Variants in ELMO1 observed in about 807,000 individuals in gnomAD.
ELMO1 encodes engulfment and cell motility protein 1.
ELMO1 carries 26 observed loss-of-function variants against 98.9 expected under a neutral mutation model. The observed-to-expected ratio is 0.26, with a 90% CI of 0.19 to 0.36. The LOEUF is 0.36. ELMO1 is among the 10% of genes least tolerant of loss of function. The pLI is 1.00. For synonymous variants in ELMO1, 346 were observed against 346.0 expected, an observed-to-expected ratio of 1.00 and a Z score of 0.00; for missense variants, 627 against 935.2, an observed-to-expected ratio of 0.67 and a Z score of 4.30.
chr7:37,064,953 C>A (rs1461057851), intron 15 of ELMO1, among the ~76,000 whole-genome samples: 4 of 152,166 alleles, frequency 2.6e-5, no homozygotes, highest in Admixed American at 2.0e-4. Flanking sequence ...ATAGCCAATT[C>A]TGAGCTGCCC....
At chr7:37,383,043 A>C (rs1195952052) in intron 1 of ELMO1, among the ~76,000 whole-genome samples, 1 of 152,254 alleles carries the variant, frequency 6.6e-6, no homozygotes, top group Non-Finnish European at 1.5e-5. Context: ...AAAGAACAAG[A>C]ACATTCTTTT....
intron 15 of ELMO1, among the ~76,000 whole-genome samples, chr7:37,089,731 G>T (rs928350563): frequency 1.3e-5 from 2 of 152,188 alleles, no homozygotes; most frequent in South Asian, 4.1e-4. Flanking sequence ...ATTTGTTATG[G>T]TTTTCTGCAT....
rs145642104 is a variant in ELMO1 at position 37,015,149 on chromosome 7, C to T, written c.1301-1714G>A. 2.9e-3 allele frequency among the ~76,000 whole-genome samples: 434 copies of T among 152,114 alleles called. 2 individuals carry two copies. Among genetic ancestry groups the T allele is most frequent in the East Asian group, 4.5e-3 (23 of 5,168 alleles). On this transcript the variant is annotated intron_variant, in intron 15 of 21. Coordinates refer to ENST00000310758, the MANE Select transcript of ELMO1 (RefSeq NM_014800.11). The stretch of plus-strand genomic sequence containing the variant: ...TTGAAGATATGGTAATGCTGTTTTC[C>T]TCCAGATAAAGTAAGGGCATGGGCC...
chr7:36,940,584 G>T lies in ELMO1; in HGVS notation c.1438-45567C>A, dbSNP rs150828946. 2.8e-3 allele frequency among the ~76,000 whole-genome samples: 429 copies of T among 152,312 alleles called. 4 individuals carry two copies. The highest frequency in any genetic ancestry group is 9.7e-3 in the African/African-American group (403 of 41,562). On this transcript the variant is annotated intron_variant, in intron 16 of 21. Coordinates refer to ENST00000310758, the MANE Select transcript of ELMO1 (RefSeq NM_014800.11). ...AAAGCCTCAGTTTCTTTTTGGAGGG[G>T]ACATGTATCTACTTCAGAGTTCTGT...
intron 15 of ELMO1, among the ~76,000 whole-genome samples, chr7:37,049,210 C>T (rs1024216157): frequency 2.6e-5 from 4 of 152,096 alleles, no homozygotes; most frequent in Admixed American, 6.5e-5. Flanking sequence ...GGCACTGAGT[C>T]GGGTGTGGGG....
chr7:37,069,168 G>A (rs1486818249), intron 15 of ELMO1, among the ~76,000 whole-genome samples: 1 of 151,764 alleles, frequency 6.6e-6, no homozygotes, highest in East Asian at 1.9e-4. Flanking sequence ...CCAATAAATG[G>A]TTACCATTTA....
At chr7:37,123,615 T>C (rs1786262894) in intron 14 of ELMO1, among the ~76,000 whole-genome samples, 1 of 152,088 alleles carries the variant, frequency 6.6e-6, no homozygotes, top group South Asian at 2.1e-4. Flanking sequence ...AATAGACCAA[T>C]AACAGGCTCT....
Position 37,224,970 on chromosome 7 carries a change from T to C in ELMO1, c.610A>G (p.Ile204Val). 1 of 1,614,112 alleles carries C rather than the reference T, an allele frequency of 6.2e-7. No individual in the cohort carries two copies. The highest frequency in any genetic ancestry group is 2.2e-5 in the East Asian group (1 of 44,860). ...CTATTGAGCACCATCGACTCCAAAA[T>C]GGCCAAGGACCGCTGCAGGATCGAG... ...DISILQRSLA[I>V]LESMVLNSHD... The change falls in exon 9 of 22, where the codon ATT (isoleucine) becomes GTT (valine). Residue 204 changes from isoleucine to valine, a missense_variant. By Grantham distance (29) the Ile-to-Val change is conservative (BLOSUM62 3). Around this residue, in one of 3 missense-constraint regions of ELMO1, gnomAD observed 492 missense variants for 715.6 expected, o/e 0.69. Transcript: ENST00000310758.
intron 1 of ELMO1, among the ~76,000 whole-genome samples, chr7:37,358,590 G>A (rs1583621185): frequency 6.6e-6 from 1 of 152,294 alleles, no homozygotes; most frequent in Non-Finnish European, 1.5e-5. Context: ...TGAATTTGAT[G>A]AGAAAGGTCA....
chr7:36,909,784 T>C (rs1225532376), intron 16 of ELMO1, among the ~76,000 whole-genome samples: 1 of 152,242 alleles, frequency 6.6e-6, no homozygotes, highest in Non-Finnish European at 1.5e-5. Context: ...AGTCTTTTTC[T>C]TCAAGGATTT....
chr7:37,014,333 A>AC (rs59889700), intron 15 of ELMO1, among the ~76,000 whole-genome samples: 1,654 of 152,078 alleles, frequency 0.011, 18 homozygotes, highest in African/African-American at 0.03. Context: ...AAGGTTTGTG[A>AC]CCCCCAGAAC....
rs553545751 is a variant in ELMO1 at position 37,080,395 on chromosome 7, G to A, written c.1300+16224C>T. Among the ~76,000 whole-genome samples the A allele has an allele frequency of 2.2e-4, 34 of 151,728 alleles. No individual in the cohort carries two copies. In the South Asian group the frequency reaches 6.9e-3, roughly 31 times the overall value. The stretch of plus-strand genomic sequence containing the variant: ...AGAGTAAAAGCCAAATTGGTTACAA[G>A]GGCCTACAAGCACCTGAAGAATCTC... On this transcript the variant is annotated intron_variant, in intron 15 of 21. Transcript: ENST00000310758.
chr7:37,355,196 C>T (rs764351652), intron 1 of ELMO1, among the ~76,000 whole-genome samples: 2 of 152,224 alleles, frequency 1.3e-5, no homozygotes, highest in Non-Finnish European at 2.9e-5. Context: ...ATTGAAAACG[C>T]TGTGACTCTG....
chr7:37,273,918 A>G (rs1338495326), intron 4 of ELMO1, among the ~76,000 whole-genome samples: 1 of 152,248 alleles, frequency 6.6e-6, no homozygotes, highest in Non-Finnish European at 1.5e-5. Flanking sequence ...AGAACCACCC[A>G]AAAAGGGGCA....
Position 37,381,957 on chromosome 7 carries a change from G to GA in ELMO1, c.-73-39195dup, listed in dbSNP as rs201447261. On this transcript the variant is annotated intron_variant, in intron 1 of 21. Transcript: ENST00000310758. ...ACTCCTAAGGAGCCAAAAAGAAAAA[G>GA]AAAAAAAATTATATAGTAGTTTTCT... Among the ~76,000 whole-genome samples, 66 of 151,806 alleles carry GA rather than the reference G, an allele frequency of 4.3e-4. 1 individual carries two copies. In the East Asian group the frequency reaches 0.01, roughly 24 times the overall value.
chr7:37,072,369 G>A (rs1234413884), intron 15 of ELMO1, among the ~76,000 whole-genome samples: 1 of 152,102 alleles, frequency 6.6e-6, no homozygotes, highest in African/African-American at 2.4e-5. Context: ...TTTAAAAATG[G>A]GAGTTCCCTG....
At chr7:37,109,221 C>T (rs1417902629) in intron 14 of ELMO1, among the ~76,000 whole-genome samples, 1 of 152,222 alleles carries the variant, frequency 6.6e-6, no homozygotes, top group Admixed American at 6.5e-5. Context: ...AGAAGCAAAT[C>T]TCCCTGGGCC....
At chr7:37,227,252 A>T (rs1368202312) in intron 8 of ELMO1, among the ~76,000 whole-genome samples, 1 of 152,230 alleles carries the variant, frequency 6.6e-6, no homozygotes, top group Non-Finnish European at 1.5e-5. Context: ...AATCTTCTGC[A>T]GTTTATTTTA....
At chr7:37,052,996 G>A (rs1179402053) in intron 15 of ELMO1, among the ~76,000 whole-genome samples, 1 of 152,196 alleles carries the variant, frequency 6.6e-6, no homozygotes, top group African/African-American at 2.4e-5. Flanking sequence ...TTGGGTGGGT[G>A]TCAGGCAGAA....
Sources: allele counts gnomAD v4.1 joint callset (sites outside exome capture counted in the v4.1 genomes callset), GRCh38; gene constraint gnomAD v4.1.1; regional missense constraint gnomAD v4.1.1; transcripts MANE v1.5; gene names NCBI Gene and HGNC (gene_info 2026-07-23, HGNC 2026-07-21).